ADARB2: variants seen among roughly 807,000 people sequenced by gnomAD.
ADARB2 encodes inactive double-stranded RNA-specific editase B2.
In ADARB2, 25 loss-of-function variants were observed where a neutral mutation model predicts 62.2. The ratio of observed to expected loss-of-function variants is 0.40; its 90% CI spans 0.29 to 0.56. The LOEUF is 0.56. ADARB2 is among the 20% of genes least tolerant of loss of function. The pLI is 0.43. For missense variants in ADARB2, 1,071 were observed against 1,077.4 expected (o/e 0.99, Z 0.08); for synonymous variants, 572 against 500.8 (o/e 1.14, Z -1.90).
chr10:1,729,192 T>C (rs1835202186), intron 1 of ADARB2, among the ~76,000 whole-genome samples: 1 of 152,136 alleles, frequency 6.6e-6, no homozygotes, highest in Non-Finnish European at 1.5e-5. Flanking sequence ...TAAATTAGGC[T>C]ACCTATGTTT....
chr10:1,304,076 T>A (rs1246485000), intron 3 of ADARB2, among the ~76,000 whole-genome samples: 1 of 150,778 alleles, frequency 6.6e-6, no homozygotes, highest in Non-Finnish European at 1.5e-5. Context: ...AGACACAGAC[T>A]GGCAAATTGG....
At chr10:1,525,931 G>A (rs1370410831) in intron 1 of ADARB2, among the ~76,000 whole-genome samples, 1 of 152,124 alleles carries the variant, frequency 6.6e-6, no homozygotes, top group East Asian at 1.9e-4. Context: ...GTGTGTCTGT[G>A]TGTGAGCACG....
At chr10:1,569,506 C>A (rs1832907820) in intron 1 of ADARB2, among the ~76,000 whole-genome samples, 1 of 152,210 alleles carries the variant, frequency 6.6e-6, no homozygotes, top group Non-Finnish European at 1.5e-5. Flanking sequence ...ACGAGGTCAG[C>A]AAAGGTTGCC....
chr10:1,303,355 C>A (rs925755833), intron 3 of ADARB2, among the ~76,000 whole-genome samples: 1 of 151,746 alleles, frequency 6.6e-6, no homozygotes, highest in Non-Finnish European at 1.5e-5. Context: ...ATGAGCAAAG[C>A]CTCCAAGAAA....
chr10:1,373,682 C>CA (rs2131856526), intron 2 of ADARB2, among the ~76,000 whole-genome samples: 1 of 152,330 alleles, frequency 6.6e-6, no homozygotes, highest in Admixed American at 6.5e-5. Flanking sequence ...GGAGACAGCA[C>CA]AGCTCCCCTG....
chr10:1,645,133 C>T (rs1425998774), intron 1 of ADARB2, among the ~76,000 whole-genome samples: 2 of 152,178 alleles, frequency 1.3e-5, no homozygotes, highest in Non-Finnish European at 2.9e-5. Flanking sequence ...GGATCTGGCC[C>T]CCTTTGCAGG....
At chr10:1,447,886 A>G (rs1202269759) in intron 1 of ADARB2, among the ~76,000 whole-genome samples, 1 of 152,108 alleles carries the variant, frequency 6.6e-6, no homozygotes, top group East Asian at 1.9e-4. Flanking sequence ...AGCTTCACCC[A>G]CGTTGCTGCA....
chr10:1,209,891 A>G (rs1317604571), intron 7 of ADARB2, among the ~76,000 whole-genome samples: 2 of 152,182 alleles, frequency 1.3e-5, no homozygotes, highest in Non-Finnish European at 2.9e-5. Flanking sequence ...TTTCTCCACA[A>G]TGTTTTACGG....
intron 1 of ADARB2, chr10:1,534,477 T>G (rs1832297592): frequency 6.6e-6 from 1 of 152,294 alleles, no homozygotes; most frequent in African/African-American, 2.4e-5. Context: ...ACCCGGAGGC[T>G]TTCGGCGTTT....
chr10:1,452,624 G>GT (rs1554764270), intron 1 of ADARB2, among the ~76,000 whole-genome samples: 1 of 144,222 alleles, frequency 6.9e-6, no homozygotes, highest in Non-Finnish European at 1.5e-5. Context: ...GGTTGGGGGG[G>GT]GGAATATCAC....
chr10:1,510,160 CTTTCTTTCTTTT>C (rs1564312656), intron 1 of ADARB2, among the ~76,000 whole-genome samples: 1 of 112,440 alleles, frequency 8.9e-6, no homozygotes, highest in Admixed American at 9.5e-5. Context: ...TTCTTTCTTT[CTTTCTTTCTTTT>C]TCTTTCTTTC....
chr10:1,544,930 T>C (rs1832495593), intron 1 of ADARB2, among the ~76,000 whole-genome samples: 2 of 92,620 alleles, frequency 2.2e-5, no homozygotes, highest in African/African-American at 3.6e-5. Context: ...GTCTATATAA[T>C]ATGTGAAGTC....
chr10:1,555,346 G>A lies in ADARB2; in HGVS notation c.101-176186C>T, dbSNP rs1321303438. ...ACATTTCTACCAACAGCGAATAAGT[G>A]TTCCCTTTTCTCTGCAACCTCACAA... On this transcript the variant is annotated intron_variant, in intron 1 of 9. Coordinates refer to ENST00000381312, the MANE Select transcript of ADARB2 (RefSeq NM_018702.4). Among the ~76,000 whole-genome samples, 4 of 152,198 alleles carry A rather than the reference G, an allele frequency of 2.6e-5. No individual in the cohort carries two copies. The South Asian group carries it at 6.2e-4, about 24-fold the overall frequency.
intron 1 of ADARB2, among the ~76,000 whole-genome samples, chr10:1,523,025 A>G (rs1320046171): frequency 6.6e-6 from 1 of 152,222 alleles, no homozygotes; most frequent in Non-Finnish European, 1.5e-5. Context: ...CACCCAGCAG[A>G]CAGATGTGAG....
chr10:1,193,552 G>T (rs938587228), intron 8 of ADARB2, among the ~76,000 whole-genome samples: 1 of 152,082 alleles, frequency 6.6e-6, no homozygotes, highest in African/African-American at 2.4e-5. Flanking sequence ...AAGTGTGGCT[G>T]GTTTTCATTG....
intron 3 of ADARB2, among the ~76,000 whole-genome samples, chr10:1,362,588 T>C (rs911554613): frequency 2.0e-5 from 3 of 152,142 alleles, no homozygotes; most frequent in African/African-American, 7.2e-5. Flanking sequence ...GATTCTCCCT[T>C]GGACCAGGGA....
chr10:1,357,065 C>T (rs1418626252), intron 3 of ADARB2, among the ~76,000 whole-genome samples: 1 of 152,230 alleles, frequency 6.6e-6, no homozygotes, highest in Non-Finnish European at 1.5e-5. Context: ...GTGAAATCAA[C>T]AGTGACTGTC....
chr10:1,401,821 G>T (rs188470272), intron 1 of ADARB2, among the ~76,000 whole-genome samples: 56 of 152,234 alleles, frequency 3.7e-4, no homozygotes, highest in African/African-American at 1.3e-3. Context: ...CCTGGGGAGC[G>T]GTTCCCAAAG....
At chr10:1,204,373 T>C (rs1837023572) in intron 7 of ADARB2, among the ~76,000 whole-genome samples, 1 of 152,200 alleles carries the variant, frequency 6.6e-6, no homozygotes, top group African/African-American at 2.4e-5. Flanking sequence ...GGGCTGTTTG[T>C]AATTGCAAAG....
Sources: allele counts gnomAD v4.1 joint callset (sites outside exome capture counted in the v4.1 genomes callset), GRCh38; gene constraint gnomAD v4.1.1; transcripts MANE v1.5; gene names NCBI Gene and HGNC (gene_info 2026-07-23, HGNC 2026-07-21).